The following KRT78 variants were observed in gnomAD, a reference collection of about 807,000 sequenced individuals.
KRT78 encodes keratin 78.
Under a neutral mutation model 51.4 loss-of-function variants are expected in KRT78, and 55 were observed. That is an observed-to-expected ratio of 1.07 (90% CI 0.86 to 1.34). The LOEUF is 1.34. Among genes scored for constraint, KRT78 ranks in the 40% most tolerant of loss-of-function variants. The pLI is 0.00. For synonymous variants in KRT78, 291 were observed against 264.3 expected (o/e 1.10, Z -0.98); for missense variants, 652 against 649.4 (o/e 1.00, Z -0.04).
intron 4 of KRT78, among the ~76,000 whole-genome samples, chr12:52,844,961 A>C (rs1189879389): frequency 6.6e-6 from 1 of 151,670 alleles, no homozygotes; most frequent in Non-Finnish European, 1.5e-5. Context: ...AATGGCCTGC[A>C]AGGCCCAAAA....
rs749100313 is a variant in KRT78, at chr12:52,846,178, C to A, written c.756+19G>T. Reference sequence around the variant, plus strand: ...AGTCCTCTCTCTTGGCTGCAGCCTGCCCTTTGGTTGAGCCTCACTTCTTCA... The same window carrying A: ...AGTCCTCTCTCTTGGCTGCAGCCTGACCTTTGGTTGAGCCTCACTTCTTCA... On this transcript the variant is annotated intron_variant, in intron 4 of 8. Transcript: ENST00000304620. 1.3e-6 allele frequency: 2 copies of A among 1,574,828 alleles called. No individual in the cohort carries two copies. Among genetic ancestry groups the A allele is most frequent in the Non-Finnish European group, 1.7e-6 (2 of 1,145,518 alleles).
At chr12:52,841,866 A>C (rs1374857983) in intron 6 of KRT78, among the ~76,000 whole-genome samples, 2 of 152,148 alleles carry the variant, frequency 1.3e-5, no homozygotes, top group African/African-American at 4.8e-5. Flanking sequence ...AGACCCAGGT[A>C]CCCAGTACAC....
chr12:52,840,741 G>A lies in KRT78; in HGVS notation c.1048-757C>T, dbSNP rs116949786. 2.5e-3 allele frequency among the ~76,000 whole-genome samples: 382 copies of A among 152,114 alleles called. 6 individuals carry two copies. In the East Asian group the frequency reaches 0.033, roughly 13 times the overall value. The stretch of plus-strand genomic sequence containing the variant: ...AAGAAGAAGAGAGAGGCAGAGATGG[G>A]AATGATGCAGCAATAAGACGAAAAA... On this transcript the variant is annotated intron_variant, in intron 6 of 8. Coordinates refer to ENST00000304620, the MANE Select transcript of KRT78 (RefSeq NM_173352.4).
rs188792345 is a variant in KRT78 at position 52,840,040 on chromosome 12, C to T, written c.1048-56G>A. 3 of 1,265,934 alleles carry T rather than the reference C, an allele frequency of 2.4e-6. No homozygotes were observed. In the Admixed American group the frequency reaches 5.6e-5, roughly 24 times the overall value. 78.4% of individuals were successfully genotyped at this position (1,265,934 alleles called of 1,614,324 possible). A position where few individuals can be genotyped will look rare whatever the true frequency, so the allele number is the denominator to read the frequency against. On this transcript the variant is annotated intron_variant, in intron 6 of 8. Transcript: ENST00000304620. The stretch of plus-strand genomic sequence containing the variant: ...TGGTTGTAAGTCCAACATAGCCTCT[C>T]AAAGCACCCACTGTGGATATCACTT...
In KRT78 at chr12:52,844,153, G is replaced by A. The variant is rs1940583151; in HGVS notation, c.987C>T (p.Ile329=). The stretch of plus-strand genomic sequence containing the variant: ...TCTGAATCTCTTGGTGTAGCTGAGA[G>A]ATCTGGACTTTCGTTTCCTGCATCC... ...GDRMQETKVQ[I]SQLHQEIQRL... Residue 329 remains isoleucine, a synonymous_variant, in exon 6 of 9, where the codon ATC becomes ATT. Coordinates refer to ENST00000304620, the MANE Select transcript of KRT78 (RefSeq NM_173352.4). 7 of 1,611,942 alleles carry A rather than the reference G, an allele frequency of 4.3e-6. No individual in the cohort carries two copies. The highest frequency in any genetic ancestry group is 5.9e-6 in the Non-Finnish European group (7 of 1,179,468).
intron 2 of KRT78, among the ~76,000 whole-genome samples, chr12:52,847,444 GAACCACA>G (rs1940668652): frequency 6.6e-6 from 1 of 152,178 alleles, no homozygotes; most frequent in Non-Finnish European, 1.5e-5. Flanking sequence ...GTGGAGCCCA[GAACCACA>G]GCCCATCTGT....
intron 2 of KRT78, among the ~76,000 whole-genome samples, chr12:52,847,374 G>A (rs576409796): frequency 5.3e-5 from 8 of 152,246 alleles, no homozygotes; most frequent in Admixed American, 2.0e-4. Context: ...ACTCACAGTT[G>A]CCCCAACCCA....
Position 52,839,933 on chromosome 12 carries a change from C to T in KRT78, c.1099G>A (p.Ala367Thr), listed in dbSNP as rs202050757. Residue 367 changes from alanine (A) to threonine (T), a missense_variant, in exon 7 of 9, where the codon GCC becomes ACC. Ala to Thr is a moderately conservative substitution (Grantham distance 58, BLOSUM62 0). Transcript: ENST00000304620. Reference sequence around the variant, plus strand: ...ACCTTGGCCTGAGCGTCCTTGAGGGCCAGCTCCCCACGCTGCTCAGCATCA... The same window carrying T: ...ACCTTGGCCTGAGCGTCCTTGAGGGTCAGCTCCCCACGCTGCTCAGCATCA... ...ITDAEQRGELALKDAQAKVDE... is the reference protein window; with the variant it reads ...ITDAEQRGELTLKDAQAKVDE... 1.2e-6 allele frequency: 2 copies of T among 1,614,036 alleles called. No homozygotes were observed. The highest frequency in any genetic ancestry group is 2.2e-5 in the East Asian group (1 of 44,856).
At position 52,847,898 on chromosome 12, in the gene KRT78, T is replaced by C. The variant is rs377216820; in HGVS notation, c.599+9A>G. 3.1e-6 allele frequency: 5 copies of C among 1,613,190 alleles called. No individual in the cohort carries two copies. In the South Asian group the frequency reaches 3.3e-5, roughly 11 times the overall value. ...CCCACATGGCATGGGGAAATTTCAG[T>C]GTGCCTACTTGGACTTATACTCCTC... On this transcript the variant is annotated intron_variant, in intron 2 of 8. Coordinates refer to ENST00000304620, the MANE Select transcript of KRT78 (RefSeq NM_173352.4).
Position 52,844,704 on chromosome 12 carries a change from G to C in KRT78, c.776C>G (p.Thr259Ser). 6.2e-7 allele frequency: 1 copy of C among 1,612,112 alleles called. No individual in the cohort carries two copies. Among genetic ancestry groups the C allele is most frequent in the South Asian group, 1.1e-5 (1 of 90,770 alleles). ...CACCACAGACGTGTCGCTGGCCTGGGTCTGGAGCTGGCCCAGCTCCTGCAG... is the reference window on the plus strand; with the variant it reads ...CACCACAGACGTGTCGCTGGCCTGGCTCTGGAGCTGGCCCAGCTCCTGCAG... ...LNEEELGQLQ[T>S]QASDTSVVLS... Residue 259 changes from threonine (T) to serine (S), a missense_variant, in exon 5 of 9, where the codon ACC becomes AGC. Coordinates refer to ENST00000304620, the MANE Select transcript of KRT78 (RefSeq NM_173352.4).
At chr12:52,845,680 G>A (rs1484328143) in intron 4 of KRT78, among the ~76,000 whole-genome samples, 1 of 152,162 alleles carries the variant, frequency 6.6e-6, no homozygotes, top group Non-Finnish European at 1.5e-5. Flanking sequence ...ACTTAGTCGG[G>A]CGTGGTGGCT....
chr12:52,848,685 G>A lies in KRT78; in HGVS notation c.246C>T (p.Gly82=). 2 of 1,612,810 alleles carry A rather than the reference G, an allele frequency of 1.2e-6. No individual in the cohort carries two copies. The highest frequency in any genetic ancestry group is 1.3e-5 in the African/African-American group (1 of 74,942). The part of the protein sequence containing the change: ...GPGLSLCPPG[G]IQEVTINQNL... ...TCTGGTTGATGGTCACTTCTTGGAT[G>A]CCCCCCGGAGGGCACAGGGAGAGCC... Residue 82 remains glycine, a synonymous_variant, in exon 1 of 9, where the codon GGC becomes GGT. Coordinates refer to ENST00000304620, the MANE Select transcript of KRT78 (RefSeq NM_173352.4).
At chr12:52,844,340 G>A in intron 5 of KRT78, 122 bp from the exon 6 acceptor site, 1 of 1,244,870 alleles carries the variant, frequency 8.0e-7, no homozygotes, top group Non-Finnish European at 1.1e-6. Context: ...CCTGAGCCAG[G>A]ACACAGTGGG....
rs997937475 is a variant in KRT78 at position 52,842,397 on chromosome 12, C to T, written c.1047+1696G>A. On this transcript the variant is annotated intron_variant, in intron 6 of 8. Coordinates refer to ENST00000304620, the MANE Select transcript of KRT78 (RefSeq NM_173352.4). ...ACATCTAGAAGTGAGGTCTCTACAC[C>T]GCAGGAGGAGCAGGAAACGGCCTCC... 4.6e-5 allele frequency among the ~76,000 whole-genome samples: 7 copies of T among 152,188 alleles called. No individual in the cohort carries two copies. In the East Asian group the frequency reaches 7.7e-4, roughly 17 times the overall value.
chr12:52,843,291 C>T (rs576367262), intron 6 of KRT78, among the ~76,000 whole-genome samples: 6 of 150,044 alleles, frequency 4.0e-5, no homozygotes, highest in African/African-American at 1.2e-4. Flanking sequence ...CCCTTGAACC[C>T]GGAGGCAGAG....
In KRT78 at chr12:52,839,490, AG is replaced by A; in HGVS notation, c.1269-4del. The A allele has an allele frequency of 6.3e-7, 1 of 1,589,380 alleles. No individual in the cohort carries two copies. Among genetic ancestry groups the A allele is most frequent in the Non-Finnish European group, 8.6e-7 (1 of 1,168,236 alleles). On this transcript the variant is annotated splice_polypyrimidine_tract_variant and splice_region_variant and intron_variant, in intron 7 of 8. Coordinates refer to ENST00000304620, the MANE Select transcript of KRT78 (RefSeq NM_173352.4). ...GGCTGGTGCACTCCCCAGACATCCT[AG>A]GGGGAAAAGGACAAGAGGGGGATGC...
In KRT78 at chr12:52,839,766, G is replaced by C; in HGVS notation, c.1266C>G (p.Cys422Trp). The change falls in exon 7 of 9, where the codon TGC (cysteine) becomes TGG (tryptophan). Residue 422 changes from cysteine (C) to tryptophan (W), a missense_variant and splice_region_variant. Transcript: ENST00000304620. ...AGGTCCCTCCAAGCCTCCCTCACCTGCACTCCTCGCCCTCCAGCAGCCTGC... is the reference window on the plus strand; with the variant it reads ...AGGTCCCTCCAAGCCTCCCTCACCTCCACTCCTCGCCCTCCAGCAGCCTGC... Reference protein sequence around the residue: ...TYRRLLEGEECRMSGECTSQV... With the variant: ...TYRRLLEGEEWRMSGECTSQV... 1 of 1,613,574 alleles carries C rather than the reference G, an allele frequency of 6.2e-7. No homozygotes were observed. The highest frequency in any genetic ancestry group is 1.7e-4 in the Middle Eastern group (1 of 6,060).
intron 6 of KRT78, among the ~76,000 whole-genome samples, chr12:52,842,810 C>T (rs1039449426): frequency 6.6e-6 from 1 of 150,920 alleles, no homozygotes; most frequent in South Asian, 2.1e-4. Flanking sequence ...CTCAGCTACT[C>T]GGGAGGCTGA....
intron 4 of KRT78, among the ~76,000 whole-genome samples, chr12:52,845,746 G>T (rs1431589581): frequency 6.6e-6 from 1 of 152,160 alleles, no homozygotes; most frequent in East Asian, 1.9e-4. Flanking sequence ...ATGAGGTCAG[G>T]AGTTCAAGAC....
Sources: gnomAD v4.1 joint callset for allele counts (sites outside exome capture counted in the v4.1 genomes callset) on GRCh38, gnomAD v4.1.1 for gene constraint, MANE v1.5 for transcripts, NCBI Gene and HGNC (gene_info 2026-07-23, HGNC 2026-07-21) for gene names.